The following UNKL variants were observed in gnomAD, a reference collection of about 807,000 sequenced individuals.
UNKL encodes putative E3 ubiquitin-protein ligase UNKL.
A neutral mutation model predicts 78.0 loss-of-function variants in UNKL; 60 were observed. The ratio of observed to expected loss-of-function variants is 0.77; its 90% confidence interval spans 0.63 to 0.95. The LOEUF (loss-of-function observed/expected upper bound fraction) is 0.95, where lower values mean the gene tolerates loss of function less well. UNKL is among the 40% of genes least tolerant of loss of function. UNKL has a pLI of 0.00. For missense variants in UNKL, 1,159 were observed against 1,045.7 expected (o/e 1.11, Z -1.49); for synonymous variants, 608 against 474.8 (o/e 1.28, Z -3.65).
At chr16:1,367,009 C>T (rs778280703) in intron 14 of UNKL, 83 bp downstream of exon 14, 17 of 1,442,734 alleles carry the variant, frequency 1.2e-5, no homozygotes, top group Admixed American at 1.1e-4. Context: ...AAGGGGACAC[C>T]GCACCAGCCA....
chr16:1,395,512 C>T (rs574266644), intron 6 of UNKL: 61 of 331,942 alleles, frequency 1.8e-4, no homozygotes, highest in South Asian at 1.1e-3. Context: ...GGCAACTACA[C>T]GGCTGGGTGT....
intron 11 of UNKL, 33 bp downstream of exon 11, chr16:1,371,483 TGGA>T (rs1169623488): frequency 6.5e-7 from 1 of 1,529,082 alleles, no homozygotes; most frequent in Non-Finnish European, 8.8e-7. Flanking sequence ...GTTCAGCGGC[TGGA>T]GGAGCAGGGC....
intron 9 of UNKL, 104 bp downstream of exon 9, chr16:1,390,528 T>C (rs1596720709): frequency 5.6e-6 from 7 of 1,257,370 alleles, no homozygotes; most frequent in East Asian, 2.6e-5. Flanking sequence ...CAAGGATGCA[T>C]GAGCGCTGCC....
intron 10 of UNKL, among the ~76,000 whole-genome samples, chr16:1,381,799 C>T (rs879269874): frequency 2.0e-5 from 3 of 152,144 alleles, no homozygotes; most frequent in Admixed American, 6.5e-5. Flanking sequence ...ATGTTCTCAC[C>T]GGGCCCGGTG....
chr16:1,379,482 C>T, intron 10 of UNKL: 2 of 985,268 alleles, frequency 2.0e-6, no homozygotes, highest in East Asian at 2.3e-4. Flanking sequence ...CTGAGAAGCC[C>T]GGGCCCACCC....
intron 10 of UNKL, chr16:1,383,388 A>T (rs1236796480): frequency 6.2e-6 from 1 of 160,850 alleles, no homozygotes; most frequent in African/African-American, 2.4e-5. Flanking sequence ...GCCCAGCAGC[A>T]ACACAGGCCA....
At chr16:1,400,175 C>T (rs9937045) in intron 4 of UNKL, among the ~76,000 whole-genome samples, 2,090 of 152,138 alleles carry the variant, frequency 0.014, 52 homozygotes, top group African/African-American at 0.047. Flanking sequence ...TATCCCAGCA[C>T]TTTGGGAGGC....
chr16:1,385,259 CG>C lies in UNKL; in HGVS notation c.1212del (p.Ala405ProfsTer21). 5 of 1,308,910 alleles carry C rather than the reference CG, an allele frequency of 3.8e-6. No individual in the cohort carries two copies. The highest frequency in any genetic ancestry group is 4.8e-6 in the Non-Finnish European group (5 of 1,031,530). 81.1% of individuals were successfully genotyped at this position (1,308,910 alleles called of 1,614,324 possible). Reference protein sequence around the residue: ...SSSPTALPAPPARALPLGPAS... With the variant: ...SSSPTALPAPXARALPLGPAS... Reference sequence around the variant, plus strand: ...GCGGGGCCGAGCGGGAGGGCACGGGCGGGGGGCGCGGGCAGCGCAGTGGGGG... The same window carrying C: ...GCGGGGCCGAGCGGGAGGGCACGGGCGGGGGCGCGGGCAGCGCAGTGGGGG... On this transcript the variant is annotated frameshift_variant, in exon 10 of 15. Coordinates refer to ENST00000389221, the MANE Select transcript of UNKL (RefSeq NM_001372107.1). LOFTEE classifies it high-confidence loss of function.
chr16:1,403,819 G>C lies in UNKL; in HGVS notation c.288-475C>G, dbSNP rs1163126570. ...GGGACCCCAGGAGGGAGGTAGGGGAGGGAACAAGCACAGGGCCCTGGACGC... is the reference window on the plus strand; with the variant it reads ...GGGACCCCAGGAGGGAGGTAGGGGACGGAACAAGCACAGGGCCCTGGACGC... On this transcript the variant is annotated intron_variant, in intron 2 of 14. Coordinates refer to ENST00000389221, the MANE Select transcript of UNKL (RefSeq NM_001372107.1). This position sits in a 1 kb window ranked among gnomAD's most constrained non-coding sequence, Gnocchi z 4.8. 6.6e-6 allele frequency among the ~76,000 whole-genome samples: 1 copy of C among 152,172 alleles called. No individual in the cohort carries two copies. Among genetic ancestry groups the C allele is most frequent in the Non-Finnish European group, 1.5e-5 (1 of 68,034 alleles).
intron 2 of UNKL, among the ~76,000 whole-genome samples, chr16:1,411,043 T>G (rs1364121475): frequency 6.6e-6 from 1 of 151,938 alleles, no homozygotes; most frequent in Non-Finnish European, 1.5e-5. Flanking sequence ...CGAGACTCCA[T>G]CTCTACAAAA....
At chr16:1,366,928 A>T (rs1245560147) in intron 14 of UNKL, among the ~76,000 whole-genome samples, 164 bp downstream of exon 14, 2 of 150,324 alleles carry the variant, frequency 1.3e-5, no homozygotes, top group African/African-American at 2.4e-5. Context: ...AGGAGGCCAC[A>T]GGGGGCTGTG....
In UNKL at chr16:1,371,392, G is replaced by A. The variant is rs1431102738; in HGVS notation, c.1357+127C>T. ...CGGGTCTTGCCCTGTGGTCCAGGCA[G>A]GAGTGCAGTGGTGCAACCTCAGCTC... On this transcript the variant is annotated intron_variant, in intron 11 of 14. Transcript: ENST00000389221. 8 of 877,212 alleles carry A rather than the reference G, an allele frequency of 9.1e-6. 1 individual carries two copies. Among genetic ancestry groups the A allele is most frequent in the Non-Finnish European group, 1.4e-5 (8 of 571,250 alleles). The allele number at this position is 877,212 out of a possible 1,614,324, so 54.3% of individuals were successfully genotyped here.
intron 10 of UNKL, among the ~76,000 whole-genome samples, chr16:1,384,252 C>T (rs2036723540): frequency 6.6e-6 from 1 of 150,484 alleles, no homozygotes; most frequent in Non-Finnish European, 1.5e-5. Context: ...CCCAACACGG[C>T]AGGTGTCCCC....
intron 2 of UNKL, among the ~76,000 whole-genome samples, chr16:1,413,337 G>A (rs1339881531): frequency 6.6e-6 from 1 of 151,636 alleles, no homozygotes; most frequent in African/African-American, 2.4e-5. Context: ...GGGAGGCCGA[G>A]GTGGGTGGAT....
chr16:1,402,659 T>C (rs1377951611), intron 3 of UNKL, among the ~76,000 whole-genome samples: 1 of 143,074 alleles, frequency 7.0e-6, no homozygotes, highest in African/African-American at 2.6e-5. Flanking sequence ...CGAGATTCCA[T>C]CTCAAAAAAC....
rs766703578 is a variant in UNKL, at chr16:1,401,599, C to T, written c.567G>A (p.Glu189=). Residue 189 remains glutamate, a synonymous_variant, in exon 4 of 15, where the codon GAG becomes GAA. Transcript: ENST00000389221. ...ACCGGGGGTCCTCGCTCAGGATCTT[C>T]TCAATCATGGCCTGGCTGGCCAAGA... ...PGVLASQAMI[E]KILSEDPRWQ... is the part of the protein sequence containing the mutation. 1.2e-6 allele frequency: 2 copies of T among 1,603,546 alleles called. No homozygotes were observed. Among genetic ancestry groups the T allele is most frequent in the African/African-American group, 1.4e-5 (1 of 73,780 alleles).
intron 3 of UNKL, among the ~76,000 whole-genome samples, chr16:1,402,653 A>G (rs9933382): frequency 0.019 from 2,942 of 150,940 alleles, 101 homozygotes; most frequent in African/African-American, 0.067. Context: ...ACAGAGCGAG[A>G]TTCCATCTCA....
chr16:1,408,999 C>A (rs543151000), intron 2 of UNKL: 1 of 152,120 alleles, frequency 6.6e-6, no homozygotes, highest in South Asian at 2.1e-4. Flanking sequence ...TCACTGCAAC[C>A]TCCGCCTCCC....
At chr16:1,366,550 C>CTCAGGGAGAAGGCAGCTGCGGGG (rs1470919960) in intron 14 of UNKL, among the ~76,000 whole-genome samples, 155 bp from the exon 15 acceptor site, 1 of 152,218 alleles carries the variant, frequency 6.6e-6, no homozygotes, top group Non-Finnish European at 1.5e-5. Flanking sequence ...CCAGGGCCAC[C>CTCAGGGAGAAGGCAGCTGCGGGG]TCAGGGAGAA....
Sources: allele counts gnomAD v4.1 joint callset (sites outside exome capture counted in the v4.1 genomes callset), GRCh38; gene constraint gnomAD v4.1.1; non-coding constraint Gnocchi (gnomAD v3.1); transcripts MANE v1.5; gene names NCBI Gene and HGNC (gene_info 2026-07-23, HGNC 2026-07-21).